Variants in FGF14 observed in about 807,000 individuals in gnomAD.
The protein encoded by FGF14 is fibroblast growth factor 14.
FGF14 carries 5 observed loss-of-function variants against 25.5 expected under a neutral mutation model. That is an observed-to-expected ratio of 0.20 (90% CI 0.10 to 0.41). The LOEUF (loss-of-function observed/expected upper bound fraction) is 0.41. Ranked by LOEUF, FGF14 falls within the 10% of genes least tolerant of loss-of-function variation. FGF14 has a pLI of 1.00. For synonymous variants in FGF14, 138 were observed against 118.3 expected (o/e 1.17, Z -1.08); for missense variants, 222 against 320.1 (o/e 0.69, Z 2.34).
At chr13:101,928,562 G>A (rs1176715761) in intron 1 of FGF14, among the ~76,000 whole-genome samples, 1 of 151,824 alleles carries the variant, frequency 6.6e-6, no homozygotes, top group Admixed American at 6.6e-5. Flanking sequence ...TTTTGAGACA[G>A]AGTCCCACTC....
At chr13:102,372,230 C>T (rs1671639719) in intron 1 of FGF14, among the ~76,000 whole-genome samples, 1 of 152,112 alleles carries the variant, frequency 6.6e-6, no homozygotes, top group African/African-American at 2.4e-5. Context: ...AAAATTCCTA[C>T]ATAGCACGTA....
intron 3 of FGF14, among the ~76,000 whole-genome samples, chr13:101,785,644 T>A (rs1427551332): frequency 6.6e-6 from 1 of 152,166 alleles, no homozygotes; most frequent in Non-Finnish European, 1.5e-5. Flanking sequence ...AATATCTATC[T>A]TTAAAGTAGG....
rs7981185 is a variant in FGF14 at position 102,171,192 on chromosome 13, G to A, written c.208+230279C>T. 5.0e-3 allele frequency among the ~76,000 whole-genome samples: 755 copies of A among 152,218 alleles called. 8 individuals carry two copies. Among genetic ancestry groups the A allele is most frequent in the African/African-American group, 0.017 (710 of 41,534 alleles). On this transcript the variant is annotated intron_variant, in intron 1 of 4. Coordinates refer to the FGF14 transcript ENST00000376131. ...AAGATTTAACGTATTGATCGATCCC[G>A]CATTTTTAGACCAGTGTTTATCATG...
intron 1 of FGF14, among the ~76,000 whole-genome samples, chr13:102,335,420 T>C (rs2056762876): frequency 6.6e-6 from 1 of 152,126 alleles, no homozygotes; most frequent in African/African-American, 2.4e-5. Context: ...TAAATAACCA[T>C]AAGGGTTCTC....
At chr13:102,020,861 AC>A (rs1216950183) in intron 1 of FGF14, among the ~76,000 whole-genome samples, 2 of 151,960 alleles carry the variant, frequency 1.3e-5, no homozygotes, top group Non-Finnish European at 2.9e-5. Flanking sequence ...CAGCATGATG[AC>A]CAAATTGAAA....
intron 1 of FGF14, among the ~76,000 whole-genome samples, chr13:102,258,142 T>C (rs2052538457): frequency 1.3e-5 from 2 of 152,170 alleles, no homozygotes; most frequent in African/African-American, 4.8e-5. Context: ...GTAAGACTTC[T>C]TCACTACCAT....
chr13:101,801,179 C>T (rs2040847029), intron 3 of FGF14, among the ~76,000 whole-genome samples: 1 of 152,082 alleles, frequency 6.6e-6, no homozygotes, highest in Admixed American at 6.6e-5. Flanking sequence ...GAAACCTGAA[C>T]AGAACACAAG....
At chr13:101,797,080 T>C (rs2040569794) in intron 3 of FGF14, among the ~76,000 whole-genome samples, 1 of 152,154 alleles carries the variant, frequency 6.6e-6, no homozygotes, top group African/African-American at 2.4e-5. Flanking sequence ...CTTCTTTTTC[T>C]CATATTTAAA....
chr13:101,976,583 C>T (rs1032838622), intron 1 of FGF14, among the ~76,000 whole-genome samples: 5 of 152,126 alleles, frequency 3.3e-5, no homozygotes, highest in Non-Finnish European at 7.4e-5. Context: ...TCCACTCACA[C>T]CCGCCCTCTT....
chr13:102,005,222 G>C (rs888549953), intron 1 of FGF14, among the ~76,000 whole-genome samples: 1 of 152,114 alleles, frequency 6.6e-6, no homozygotes, highest in Non-Finnish European at 1.5e-5. Context: ...CTCCTTTTTA[G>C]TTATCATATC....
intron 3 of FGF14, among the ~76,000 whole-genome samples, chr13:101,849,732 G>A (rs1024720905): frequency 6.6e-5 from 10 of 152,062 alleles, no homozygotes; most frequent in Non-Finnish European, 1.3e-4. Context: ...TTCCTTTATG[G>A]ATGGTATAGA....
chr13:102,082,949 CT>C (rs1251835199), intron 1 of FGF14, among the ~76,000 whole-genome samples: 3 of 151,848 alleles, frequency 2.0e-5, no homozygotes, highest in Admixed American at 6.6e-5. Context: ...CAGAGTGAGA[CT>C]CCGTCTCAAA....
intron 1 of FGF14, among the ~76,000 whole-genome samples, chr13:102,206,763 T>C (rs959628081): frequency 7.9e-5 from 12 of 152,128 alleles, no homozygotes; most frequent in African/African-American, 2.4e-4. Flanking sequence ...AGTGTGAAAA[T>C]ATCACGTGAA....
chr13:102,069,227 C>A (rs573347441), intron 1 of FGF14, among the ~76,000 whole-genome samples: 79 of 152,240 alleles, frequency 5.2e-4, no homozygotes, highest in Non-Finnish European at 9.4e-4. Flanking sequence ...TCTGGTGGGG[C>A]CTTGGAGAAC....
chr13:102,052,898 T>C (rs980148503), intron 1 of FGF14, among the ~76,000 whole-genome samples: 3 of 152,136 alleles, frequency 2.0e-5, no homozygotes, highest in Non-Finnish European at 4.4e-5. Flanking sequence ...ACTGTAATAG[T>C]GGTGTGTACA....
At chr13:102,346,588 C>T (rs2057112900) in intron 1 of FGF14, among the ~76,000 whole-genome samples, 1 of 151,954 alleles carries the variant, frequency 6.6e-6, no homozygotes, top group Non-Finnish European at 1.5e-5. Flanking sequence ...AGAGAGAGAA[C>T]ATATAAGCTC....
At chr13:101,893,830 G>T (rs1314291003) in intron 1 of FGF14, among the ~76,000 whole-genome samples, 1 of 152,012 alleles carries the variant, frequency 6.6e-6, no homozygotes, top group African/African-American at 2.4e-5. Flanking sequence ...ATCAGTTTAT[G>T]TTCTTTCAAG....
intron 1 of FGF14, among the ~76,000 whole-genome samples, chr13:102,216,552 T>C (rs1441046945): frequency 6.6e-6 from 1 of 152,204 alleles, no homozygotes; most frequent in African/African-American, 2.4e-5. Context: ...CATCATAATT[T>C]TACATATATG....
intron 1 of FGF14, among the ~76,000 whole-genome samples, chr13:102,268,301 T>C (rs1231952395): frequency 6.6e-6 from 1 of 152,066 alleles, no homozygotes; most frequent in East Asian, 1.9e-4. Context: ...AGGAATAATG[T>C]GTAGTTAAAA....
Sources: gnomAD v4.1 joint callset for allele counts (sites outside exome capture counted in the v4.1 genomes callset) on GRCh38, gnomAD v4.1.1 for gene constraint, MANE v1.5 for transcripts, NCBI Gene and HGNC (gene_info 2026-07-23, HGNC 2026-07-21) for gene names.